TUBGCP2: variants seen among roughly 807,000 people sequenced by gnomAD.
TUBGCP2 encodes the protein gamma-tubulin complex component 2.
Under a neutral mutation model 92.2 loss-of-function variants are expected in TUBGCP2, and 55 were observed. The observed-to-expected ratio is 0.60, with a 90% CI of 0.48 to 0.75. The LOEUF is 0.75. TUBGCP2 is among the 30% of genes least tolerant of loss of function. The pLI is 0.00. For missense variants in TUBGCP2, 1,093 were observed against 1,188.9 expected, an observed-to-expected ratio of 0.92 and a Z score of 1.19; for synonymous variants, 533 against 505.2, an observed-to-expected ratio of 1.06 and a Z score of -0.74.
At chr10:133,305,455 C>T (rs550676347) in intron 1 of TUBGCP2, among the ~76,000 whole-genome samples, 1 of 152,246 alleles carries the variant, frequency 6.6e-6, no homozygotes, top group East Asian at 1.9e-4. Context: ...GGGGCCACTA[C>T]CGGTCTCTGC....
chr10:133,293,880 A>G (rs146400289), intron 5 of TUBGCP2, 111 bp from the exon 6 acceptor site: 79 of 1,106,586 alleles, frequency 7.1e-5, no homozygotes, highest in Admixed American at 2.2e-4. Context: ...GTTTATGGGT[A>G]TAAAAGGTCA....
intron 11 of TUBGCP2, among the ~76,000 whole-genome samples, chr10:133,286,591 AC>A (rs1847139113): frequency 6.6e-6 from 1 of 151,976 alleles, no homozygotes; most frequent in Admixed American, 6.6e-5. Context: ...CGCGCACGGA[AC>A]CGAGGGCACA....
intron 11 of TUBGCP2, 101 bp downstream of exon 11, chr10:133,288,028 C>T (rs374869811): frequency 2.3e-4 from 326 of 1,431,358 alleles, no homozygotes; most frequent in Non-Finnish European, 2.7e-4. Context: ...GTCGCCTCAC[C>T]GGGACGGGGA....
chr10:133,308,200 A>G (rs1167342800), intron 1 of TUBGCP2, among the ~76,000 whole-genome samples: 2 of 152,108 alleles, frequency 1.3e-5, no homozygotes, highest in Non-Finnish European at 2.9e-5. Context: ...CACCATTTTA[A>G]TTAGGTGACT....
At position 133,278,777 on chromosome 10, in the gene TUBGCP2, CA is replaced by C. The variant is rs3216040; in HGVS notation, c.*988del. The C allele has an allele frequency of 0.9, 136,992 of 152,292 alleles. 61,717 individuals carry two copies. The highest frequency in any genetic ancestry group is 0.94 in the East Asian group (4,883 of 5,180). 9.4% of individuals were successfully genotyped at this position (152,292 alleles called of 1,614,324 possible). On this transcript the variant is annotated 3_prime_UTR_variant, in exon 18 of 18. Coordinates refer to ENST00000252936, the MANE Select transcript of TUBGCP2 (RefSeq NM_006659.4). ...GGCAGCCCCGGGTGAGAGCTGCCCA[CA>C]ACCCTTGTTCCCCGCAGGATCCTGT...
chr10:133,282,446 T>C, intron 15 of TUBGCP2, 104 bp from the exon 16 acceptor site: 6 of 1,428,370 alleles, frequency 4.2e-6, no homozygotes, highest in South Asian at 1.5e-5. Flanking sequence ...ACCTCTGTTG[T>C]AGCCTGCGGC....
intron 1 of TUBGCP2, among the ~76,000 whole-genome samples, chr10:133,306,051 T>C (rs920826015): frequency 2.0e-5 from 3 of 152,218 alleles, no homozygotes; most frequent in Non-Finnish European, 2.9e-5. Context: ...ACGTGGTAAG[T>C]TCTTACACTG....
intron 5 of TUBGCP2, 32 bp downstream of exon 5, chr10:133,297,920 C>G (rs750606335): frequency 4.4e-6 from 7 of 1,606,748 alleles, no homozygotes; most frequent in Non-Finnish European, 6.0e-6. Context: ...ACGTACCTAT[C>G]GGCAGAGCCC....
In TUBGCP2 at chr10:133,288,192, C is replaced by G; in HGVS notation, c.1659G>C (p.Ala553=). 4 of 1,613,902 alleles carry G rather than the reference C, an allele frequency of 2.5e-6. No homozygotes were observed. Among genetic ancestry groups the G allele is most frequent in the Non-Finnish European group, 3.4e-6 (4 of 1,179,960 alleles). The change falls in exon 11 of 18, where the codon GCG becomes GCC. Residue 553 remains alanine, a synonymous_variant. Transcript: ENST00000252936. Reference sequence around the variant, plus strand: ...TCATGCGCAGCGCCAGCTCCAGGAGCGCTTCCAGGCGAGGGGGCGTGATGT... The same window carrying G: ...TCATGCGCAGCGCCAGCTCCAGGAGGGCTTCCAGGCGAGGGGGCGTGATGT... ...VEDITPPRLE[A]LLELALRMST...
intron 1 of TUBGCP2, among the ~76,000 whole-genome samples, chr10:133,308,299 CTG>C (rs755340427): frequency 1.8e-4 from 27 of 152,322 alleles, no homozygotes; most frequent in Middle Eastern, 3.4e-3. Flanking sequence ...AGCACAGGTC[CTG>C]TGTTTCACGG....
chr10:133,285,511 C>T lies in TUBGCP2; in HGVS notation c.1840G>A (p.Glu614Lys). 6.2e-7 allele frequency: 1 copy of T among 1,608,144 alleles called. No homozygotes were observed. ...DPTELALSGL[E>K]AFSFDYIVKW... is the part of the protein sequence containing the mutation. ...ACGATGTAGTCGAAAGAGAAGGCCT[C>T]CAGGCCGCTCAGCGCCAGCTCCGTG... Residue 614 changes from glutamate (E) to lysine (K), a missense_variant, in exon 12 of 18, where the codon GAG (glutamate) becomes AAG (lysine). Physicochemically the swap from Glu to Lys is moderately conservative, Grantham distance 56. This residue lies in a region of TUBGCP2 where 598 missense variants were observed against 675.5 expected (regional missense o/e 0.89). Transcript: ENST00000252936. This position sits in a 1 kb window ranked among gnomAD's most constrained non-coding sequence, Gnocchi z 6.8.
chr10:133,285,317 G>C lies in TUBGCP2; in HGVS notation c.1896-104C>G. ...CCGCACCGTGGCCCCCGGACAGCCC[G>C]TGAATCTCTCGGACACTGAAGGCCG... On this transcript the variant is annotated intron_variant, in intron 12 of 17. Transcript: ENST00000252936. This position sits in a 1 kb window ranked among gnomAD's most constrained non-coding sequence, Gnocchi z 6.8. The C allele has an allele frequency of 6.3e-7, 1 of 1,591,146 alleles. No individual in the cohort carries two copies. The highest frequency in any genetic ancestry group is 8.5e-7 in the Non-Finnish European group (1 of 1,171,552).
intron 16 of TUBGCP2, 46 bp downstream of exon 16, chr10:133,282,177 G>T: frequency 6.2e-6 from 10 of 1,609,648 alleles, no homozygotes; most frequent in South Asian, 1.1e-5. Context: ...CTGCCGCCCA[G>T]CCGGGAGGAA....
intron 2 of TUBGCP2, chr10:133,301,700 CTTTTTTTTTTT>C (rs71016439): frequency 4.1e-4 from 36 of 87,254 alleles, no homozygotes; most frequent in African/African-American, 1.2e-3. Context: ...CAGTCCCTCC[CTTTTTTTTTTT>C]TTTTTTTTTT....
chr10:133,287,153 T>C (rs1398448253), intron 11 of TUBGCP2, among the ~76,000 whole-genome samples: 2 of 152,034 alleles, frequency 1.3e-5, no homozygotes, highest in African/African-American at 4.8e-5. Context: ...AAGCAGATAC[T>C]AGAAACCCAT....
At chr10:133,304,851 G>A (rs1488067788) in intron 1 of TUBGCP2, among the ~76,000 whole-genome samples, 1 of 152,220 alleles carries the variant, frequency 6.6e-6, no homozygotes, top group African/African-American at 2.4e-5. Flanking sequence ...GTGACCAGAA[G>A]ACAAGAATGT....
rs1329421238 is a variant in TUBGCP2 at position 133,285,653 on chromosome 10, A to C, written c.1723-25T>G. On this transcript the variant is annotated intron_variant, in intron 11 of 17. Coordinates refer to ENST00000252936, the MANE Select transcript of TUBGCP2 (RefSeq NM_006659.4). The surrounding 1 kb of genome is among the most constrained non-coding windows in gnomAD (Gnocchi z 6.8). ...TCTTGGAGGGAAGGAAATGAAACAA[A>C]GCATCCAGTTTTAAGGAAAAGACCC... 1 of 1,497,434 alleles carries C rather than the reference A, an allele frequency of 6.7e-7. No homozygotes were observed. Among genetic ancestry groups the C allele is most frequent in the Non-Finnish European group, 8.9e-7 (1 of 1,124,072 alleles). The allele number at this position is 1,497,434 out of a possible 1,614,324, so 92.8% of individuals were successfully genotyped here.
chr10:133,292,072 CCCGTGTCCCTCCGTGTCCCT>C (rs1196581126), intron 8 of TUBGCP2, among the ~76,000 whole-genome samples: 3 of 5,668 alleles, frequency 5.3e-4, no homozygotes, highest in Admixed American at 2.3e-3. Flanking sequence ...CTCCGTGTCC[CCCGTGTCCCTCCGTGTCCCT>C]CCGTGTCCCT....
chr10:133,309,031 G>A, upstream of TUBGCP2: 3 of 1,264,290 alleles, frequency 2.4e-6, no homozygotes, highest in Non-Finnish European at 3.0e-6. Flanking sequence ...TCCCGCGGCT[G>A]GGGCCGCGCC....
Sources: allele counts gnomAD v4.1 joint callset (sites outside exome capture counted in the v4.1 genomes callset), GRCh38; gene constraint gnomAD v4.1.1; regional missense constraint gnomAD v4.1.1; non-coding constraint Gnocchi (gnomAD v3.1); transcripts MANE v1.5; gene names NCBI Gene and HGNC (gene_info 2026-07-23, HGNC 2026-07-21).